TENM3: variants seen among roughly 807,000 people sequenced by gnomAD.
TENM3 encodes the protein teneurin transmembrane protein 3, also known as teneurin-3.
In TENM3, 63 loss-of-function variants were observed where a neutral mutation model predicts 255.1. The ratio of observed to expected loss-of-function variants is 0.25; its 90% confidence interval spans 0.20 to 0.30. The LOEUF (loss-of-function observed/expected upper bound fraction) is 0.30. Ranked by LOEUF, TENM3 falls within the 10% of genes least tolerant of loss-of-function variation. The pLI is 1.00. For synonymous variants in TENM3, 1,306 were observed against 1,322.3 expected (o/e 0.99, Z 0.27); for missense variants, 2,929 against 3,461.1 (o/e 0.85, Z 3.86).
At chr4:181,861,503 G>A in the TENM3 span, among the ~76,000 whole-genome samples, 1 of 152,064 alleles carries the variant, frequency 6.6e-6, no homozygotes, top group African/African-American at 2.4e-5. Context: ...TTCAAGCAGG[G>A]CTAGAACTTG....
At chr4:182,665,403 T>C (rs1024266713) in intron 6 of TENM3, among the ~76,000 whole-genome samples, 2 of 152,170 alleles carry the variant, frequency 1.3e-5, no homozygotes, top group African/African-American at 2.4e-5. Context: ...CCAAGAGCTC[T>C]GATGGAGATG....
At chr4:181,733,062 A>C in the TENM3 span, among the ~76,000 whole-genome samples, 1 of 152,186 alleles carries the variant, frequency 6.6e-6, no homozygotes, top group Non-Finnish European at 1.5e-5. Context: ...GTGATTTTAT[A>C]TGGCCTGAAA....
At chr4:182,191,746 A>G (rs1247373098) in intron 1 of TENM3, among the ~76,000 whole-genome samples, 1 of 152,196 alleles carries the variant, frequency 6.6e-6, no homozygotes, top group Non-Finnish European at 1.5e-5. Context: ...GGACTCTGCT[A>G]TCAGCCAGAG....
At chr4:182,413,375 A>G (rs57783530) in intron 3 of TENM3, among the ~76,000 whole-genome samples, 5,321 of 152,208 alleles carry the variant, frequency 0.035, 295 homozygotes, top group African/African-American at 0.12. Flanking sequence ...CCAGCACTTT[A>G]GGAGGCTGAA....
the TENM3 span, among the ~76,000 whole-genome samples, chr4:181,798,385 TG>T: frequency 6.6e-6 from 1 of 152,140 alleles, no homozygotes; most frequent in African/African-American, 2.4e-5. Context: ...CTCAGCTCAC[TG>T]CAACCTCTGC....
intron 24 of TENM3, among the ~76,000 whole-genome samples, chr4:182,778,159 T>G (rs1271885387): frequency 1.3e-5 from 2 of 152,094 alleles, no homozygotes; most frequent in Non-Finnish European, 2.9e-5. Flanking sequence ...CAGGGCTGGA[T>G]TGTAGAACCT....
the TENM3 span, among the ~76,000 whole-genome samples, chr4:181,912,378 T>C: frequency 3.3e-5 from 5 of 152,208 alleles, no homozygotes; most frequent in African/African-American, 1.2e-4. Context: ...TGGTATGTGA[T>C]ACATGTGATA....
At chr4:181,977,093 G>T in the TENM3 span, among the ~76,000 whole-genome samples, 1 of 152,150 alleles carries the variant, frequency 6.6e-6, no homozygotes, top group African/African-American at 2.4e-5. Context: ...GAGCTGGACC[G>T]CCCAGCTTCA....
intron 3 of TENM3, among the ~76,000 whole-genome samples, chr4:182,462,776 A>G (rs554644205): frequency 6.6e-6 from 1 of 151,862 alleles, no homozygotes; most frequent in Non-Finnish European, 1.5e-5. Flanking sequence ...GATCCCAGCT[A>G]CTTGGAAGGC....
chr4:182,487,791 G>T (rs2099386665), intron 3 of TENM3, among the ~76,000 whole-genome samples: 1 of 152,082 alleles, frequency 6.6e-6, no homozygotes, highest in African/African-American at 2.4e-5. Context: ...AAAATTTAAG[G>T]GATTCATTCA....
intron 3 of TENM3, among the ~76,000 whole-genome samples, chr4:182,532,212 A>T (rs553189694): frequency 6.6e-6 from 1 of 152,202 alleles, no homozygotes; most frequent in African/African-American, 2.4e-5. Context: ...AGACTGTGAA[A>T]TTTGACAAAT....
At chr4:182,067,317 C>T in the TENM3 span, among the ~76,000 whole-genome samples, 1 of 152,074 alleles carries the variant, frequency 6.6e-6, no homozygotes, top group African/African-American at 2.4e-5. Context: ...CATGAAAGGA[C>T]CTGATAGTGT....
the TENM3 span, among the ~76,000 whole-genome samples, chr4:181,553,295 G>GTGTC: frequency 4.5e-5 from 5 of 110,050 alleles, no homozygotes; most frequent in South Asian, 2.9e-4. Context: ...GTGTGTGTGT[G>GTGTC]TGTAGTGTGT....
chr4:181,507,085 G>C, the TENM3 span, among the ~76,000 whole-genome samples: 1 of 152,154 alleles, frequency 6.6e-6, no homozygotes, highest in Non-Finnish European at 1.5e-5. Context: ...TGCCCAGATA[G>C]ATTTTGGTAT....
intron 1 of TENM3, among the ~76,000 whole-genome samples, chr4:182,212,370 G>A (rs968436754): frequency 1.3e-5 from 2 of 152,132 alleles, no homozygotes; most frequent in African/African-American, 4.8e-5. Flanking sequence ...GGAGAGTGCC[G>A]CAGCTGCAAA....
Position 182,277,980 on chromosome 4 carries a change from C to T in TENM3, c.-76+34504C>T, listed in dbSNP as rs1481334383. Among the ~76,000 whole-genome samples the T allele has an allele frequency of 2.6e-5, 4 of 152,344 alleles. No homozygotes were observed. The East Asian group carries it at 7.7e-4, about 29-fold the overall frequency. On this transcript the variant is annotated intron_variant, in intron 1 of 27. Transcript: ENST00000511685. The stretch of plus-strand genomic sequence containing the variant: ...CCGCCCTCAACCCTGTTACAGGAAT[C>T]CTCCATTTCTTGGCCTGGATCCTGT...
chr4:182,187,477 C>T (rs1430832746), intron 1 of TENM3, among the ~76,000 whole-genome samples: 2 of 152,134 alleles, frequency 1.3e-5, no homozygotes, highest in African/African-American at 4.8e-5. Flanking sequence ...AATTCGCCAA[C>T]TCTCCCCAAA....
the TENM3 span, among the ~76,000 whole-genome samples, chr4:181,725,803 T>C: frequency 1.7e-4 from 26 of 152,192 alleles, no homozygotes; most frequent in African/African-American, 5.5e-4. Flanking sequence ...TTGTGATTAC[T>C]AAAGGCTAAG....
chr4:181,747,922 C>T, the TENM3 span, among the ~76,000 whole-genome samples: 2 of 151,762 alleles, frequency 1.3e-5, no homozygotes. Context: ...ATGTCATCAC[C>T]AAATTTCTAT....
Sources: allele counts gnomAD v4.1 joint callset (sites outside exome capture counted in the v4.1 genomes callset), GRCh38; gene constraint gnomAD v4.1.1; transcripts MANE v1.5; gene names NCBI Gene and HGNC (gene_info 2026-07-23, HGNC 2026-07-21).